The following TWIST2 variants were observed in gnomAD, a reference collection of about 807,000 sequenced individuals.
TWIST2 encodes twist family bHLH transcription factor 2.
TWIST2 carries 1 observed loss-of-function variant against 11.6 expected under a neutral mutation model. The ratio of observed to expected loss-of-function variants is 0.09; its 90% CI spans 0.03 to 0.41. The LOEUF (loss-of-function observed/expected upper bound fraction) is 0.41, where lower values mean the gene tolerates loss of function less well. TWIST2 is among the 10% of genes least tolerant of loss of function. TWIST2 has a pLI of 0.98. For missense variants in TWIST2, 168 were observed against 226.4 expected (o/e 0.74, Z 1.66); for synonymous variants, 87 against 96.6 (o/e 0.90, Z 0.58).
chr2:238,856,983 G>T (rs757101182), intron 1 of TWIST2, among the ~76,000 whole-genome samples: 1 of 152,148 alleles, frequency 6.6e-6, no homozygotes, highest in Non-Finnish European at 1.5e-5. Context: ...AGAGGGGGCC[G>T]TGTCTCTGAG....
At chr2:238,900,136 G>A (rs1693251493) in intron 1 of TWIST2, among the ~76,000 whole-genome samples, 1 of 152,176 alleles carries the variant, frequency 6.6e-6, no homozygotes. Context: ...ACAGACCTTT[G>A]TAACCTGGTC....
chr2:238,852,542 T>C (rs1449586568), intron 1 of TWIST2, among the ~76,000 whole-genome samples: 1 of 152,172 alleles, frequency 6.6e-6, no homozygotes, highest in African/African-American at 2.4e-5. Context: ...GATACAGACA[T>C]GGATGCTTTC....
At chr2:238,880,621 G>T (rs981274787) in intron 1 of TWIST2, among the ~76,000 whole-genome samples, 3 of 90,946 alleles carry the variant, frequency 3.3e-5, no homozygotes, top group Non-Finnish European at 6.5e-5. Flanking sequence ...GTATTTATTA[G>T]TATTAGTGTT....
chr2:238,852,797 A>C (rs899113116), intron 1 of TWIST2, among the ~76,000 whole-genome samples: 2 of 152,228 alleles, frequency 1.3e-5, no homozygotes, highest in Admixed American at 1.3e-4. Flanking sequence ...CACTGGGAGA[A>C]GGGAGTGAAG....
At chr2:238,900,165 C>T (rs1042050398) in intron 1 of TWIST2, among the ~76,000 whole-genome samples, 5 of 152,122 alleles carry the variant, frequency 3.3e-5, no homozygotes, top group East Asian at 1.9e-4. Flanking sequence ...TGATGGCTAT[C>T]GATACATTTG....
intron 1 of TWIST2, among the ~76,000 whole-genome samples, chr2:238,905,017 G>A (rs1693324268): frequency 2.6e-5 from 4 of 151,692 alleles, no homozygotes. Flanking sequence ...AAGGAAGGAA[G>A]GAAGAAAGAA....
chr2:238,905,081 T>C (rs1693325390), intron 1 of TWIST2, among the ~76,000 whole-genome samples: 4 of 151,958 alleles, frequency 2.6e-5, no homozygotes, highest in Admixed American at 1.3e-4. Context: ...GGTGAGGAGA[T>C]GGATAAATGG....
chr2:238,881,787 A>C (rs776312942), intron 1 of TWIST2, among the ~76,000 whole-genome samples: 4 of 152,184 alleles, frequency 2.6e-5, no homozygotes, highest in African/African-American at 9.7e-5. Context: ...AAATCCCTAC[A>C]TAAGGAAATG....
Position 238,905,901 on chromosome 2 carries a change from G to A in TWIST2, c.*36-3941G>A, listed in dbSNP as rs1693338833. Among the ~76,000 whole-genome samples the A allele has an allele frequency of 3.4e-5, 4 of 116,482 alleles. No homozygotes were observed. In the South Asian group the frequency reaches 9.0e-4, roughly 26 times the overall value. The allele number at this position is 116,482 out of a possible 152,430, so 76.4% of individuals were successfully genotyped here. Reference sequence around the variant, plus strand: ...TGTGCATGTGCGCGCATGCGCGTGTGTGCGTGTGTGTGCGTGCAGGTGTGC... The same window carrying A: ...TGTGCATGTGCGCGCATGCGCGTGTATGCGTGTGTGTGCGTGCAGGTGTGC... On this transcript the variant is annotated intron_variant, in intron 1 of 1. Transcript: ENST00000612363.
chr2:238,896,260 C>T (rs1390528876), intron 1 of TWIST2, among the ~76,000 whole-genome samples: 5 of 152,180 alleles, frequency 3.3e-5, no homozygotes, highest in East Asian at 1.9e-4. Flanking sequence ...CATCCAAAAG[C>T]GTGCCTGCCG....
At chr2:238,909,742 C>T (rs1168075855) in intron 1 of TWIST2, 100 bp from the exon 2 acceptor site, 1 of 152,470 alleles carries the variant, frequency 6.6e-6, no homozygotes, top group African/African-American at 2.4e-5. Context: ...GGGCCTGCCC[C>T]GTGTCCCGTC....
intron 1 of TWIST2, among the ~76,000 whole-genome samples, chr2:238,891,563 C>T (rs933669200): frequency 7.9e-5 from 12 of 152,146 alleles, no homozygotes; most frequent in African/African-American, 2.7e-4. Context: ...GTCTGGCAAA[C>T]GTCCTTCCCC....
chr2:238,903,596 TGTGTGTGTGATGTGGG>T (rs1160601004), intron 1 of TWIST2, among the ~76,000 whole-genome samples: 1 of 126,542 alleles, frequency 7.9e-6, no homozygotes, highest in Non-Finnish European at 1.7e-5. Flanking sequence ...TTTGAGGTAG[TGTGTGTGTGATGTGGG>T]GTGTGTGTGA....
intron 1 of TWIST2, 61 bp from the exon 2 acceptor site, chr2:238,909,781 G>A (rs1693422320): frequency 6.6e-6 from 1 of 152,248 alleles, no homozygotes; most frequent in Non-Finnish European, 1.5e-5. Context: ...GTCTCAGGAC[G>A]ATCCTGCAGG....
At chr2:238,874,476 T>C (rs915592433) in intron 1 of TWIST2, among the ~76,000 whole-genome samples, 1 of 152,154 alleles carries the variant, frequency 6.6e-6, no homozygotes, top group Admixed American at 6.5e-5. Flanking sequence ...AGACGTTGTG[T>C]TATCCCAGGA....
chr2:238,908,046 TACAC>T (rs1393668361), intron 1 of TWIST2, among the ~76,000 whole-genome samples: 74 of 142,858 alleles, frequency 5.2e-4, no homozygotes, highest in African/African-American at 1.8e-3. Flanking sequence ...CACCCCCACA[TACAC>T]ACACAAAGTC....
At chr2:238,881,501 ATGT>A (rs760955103) in intron 1 of TWIST2, among the ~76,000 whole-genome samples, 7 of 151,832 alleles carry the variant, frequency 4.6e-5, no homozygotes, top group East Asian at 1.9e-4. Flanking sequence ...GTTAGTATTA[ATGT>A]TGGTGTTAGT....
chr2:238,848,386 C>A lies in TWIST2; in HGVS notation c.171C>A (p.Ser57Arg). 1 of 1,535,278 alleles carries A rather than the reference C, an allele frequency of 6.5e-7. No individual in the cohort carries two copies. Among genetic ancestry groups the A allele is most frequent in the Non-Finnish European group, 8.7e-7 (1 of 1,146,028 alleles). ...AGCGCGGCAAGAAGGGCAGCCCCAG[C>A]GCGCAGTCCTTCGAGGAGCTGCAGA... ...PGKRGKKGSP[S>R]AQSFEELQSQ... The change falls in exon 1 of 2, where the codon AGC becomes AGA. Residue 57 changes from serine (S) to arginine (R), a missense_variant. Around this residue, in one of 3 missense-constraint regions of TWIST2, gnomAD observed 83 missense variants for 92.7 expected, o/e 0.90. Coordinates refer to ENST00000612363, the MANE Select transcript of TWIST2 (RefSeq NM_001271893.4).
chr2:238,853,722 A>T (rs1186909111), intron 1 of TWIST2, among the ~76,000 whole-genome samples: 1 of 152,224 alleles, frequency 6.6e-6, no homozygotes, highest in Non-Finnish European at 1.5e-5. Context: ...CTTCGAAAAG[A>T]GACTTGGATC....
Sources: allele counts gnomAD v4.1 joint callset (sites outside exome capture counted in the v4.1 genomes callset), GRCh38; gene constraint gnomAD v4.1.1; regional missense constraint gnomAD v4.1.1; transcripts MANE v1.5; gene names NCBI Gene and HGNC (gene_info 2026-07-23, HGNC 2026-07-21).